PKIB: variants seen among roughly 807,000 people sequenced by gnomAD.
The protein encoded by PKIB is cAMP-dependent protein kinase inhibitor beta.
A neutral mutation model predicts 4.5 loss-of-function variants in PKIB; 2 were observed. The observed-to-expected ratio is 0.44, with a 90% CI of 0.18 to 1.39. The LOEUF is 1.39. Among genes scored for constraint, PKIB ranks in the 40% most tolerant of loss-of-function variants. The pLI is 0.27. For missense variants in PKIB, 94 were observed against 92.6 expected, an observed-to-expected ratio of 1.02 and a Z score of -0.06; for synonymous variants, 38 against 36.0, an observed-to-expected ratio of 1.06 and a Z score of -0.20.
intron 3 of PKIB, among the ~76,000 whole-genome samples, chr6:122,684,237 C>G (rs1778009832): frequency 6.6e-6 from 1 of 152,040 alleles, no homozygotes; most frequent in Non-Finnish European, 1.5e-5. Flanking sequence ...TTCAGTAAAC[C>G]AAAATGAGTA....
chr6:122,602,918 G>C (rs949130480), intron 3 of PKIB, among the ~76,000 whole-genome samples: 1 of 146,338 alleles, frequency 6.8e-6, no homozygotes, highest in Non-Finnish European at 1.5e-5. Flanking sequence ...ATCGCACCAC[G>C]GCACTCCAGC....
chr6:122,619,189 G>A (rs1261382533), intron 1 of PKIB, among the ~76,000 whole-genome samples: 3 of 152,062 alleles, frequency 2.0e-5, no homozygotes, highest in African/African-American at 7.2e-5. Flanking sequence ...GATTTAGGGT[G>A]CACTGCTTTG....
Position 122,621,415 on chromosome 6 carries a change from T to C in PKIB, c.-161+10880T>C, listed in dbSNP as rs529012195. Among the ~76,000 whole-genome samples, 274 of 152,204 alleles carry C rather than the reference T, an allele frequency of 1.8e-3. 2 individuals are homozygous for C. Among genetic ancestry groups the C allele is most frequent in the Admixed American group, 6.5e-3 (100 of 15,288 alleles). ...GCCCTTCAAGAGCACAGGATTAGTG[T>C]TGGATAGGTAAATAACTGCAAACAC... On this transcript the variant is annotated intron_variant, in intron 1 of 4. Transcript: ENST00000368452.
intron 1 of PKIB, among the ~76,000 whole-genome samples, chr6:122,620,081 A>C (rs1463938714): frequency 6.6e-6 from 1 of 151,976 alleles, no homozygotes. Context: ...CCCATATGCC[A>C]CCTGTACAAT....
intron 1 of PKIB, among the ~76,000 whole-genome samples, chr6:122,612,572 TCTTA>T (rs1027027738): frequency 6.6e-6 from 1 of 152,204 alleles, no homozygotes; most frequent in African/African-American, 2.4e-5. Flanking sequence ...TTATGGCTTC[TCTTA>T]CTTAGCATAA....
chr6:122,621,917 A>G (rs939962258), intron 1 of PKIB, among the ~76,000 whole-genome samples: 2 of 152,066 alleles, frequency 1.3e-5, no homozygotes, highest in African/African-American at 4.8e-5. Flanking sequence ...GCTGGACTCA[A>G]GTTCTGAGTG....
intron 2 of PKIB, among the ~76,000 whole-genome samples, chr6:122,572,665 C>T (rs79360397): frequency 1.8e-4 from 23 of 129,700 alleles, no homozygotes; most frequent in Middle Eastern, 4.1e-3. Context: ...AAAAAAAAAA[C>T]GATAAATGAA....
chr6:122,493,551 T>C (rs1775995558), intron 2 of PKIB: 1 of 152,268 alleles, frequency 6.6e-6, no homozygotes, highest in Non-Finnish European at 1.5e-5. Context: ...TATTTTATTA[T>C]GCATATCTGA....
chr6:122,490,563 A>G (rs534604254), intron 2 of PKIB, among the ~76,000 whole-genome samples: 1 of 151,944 alleles, frequency 6.6e-6, no homozygotes, highest in South Asian at 2.1e-4. Context: ...GTTCACACAG[A>G]GATCTGGTTG....
At position 122,575,748 on chromosome 6, in the gene PKIB, G is replaced by A. The variant is rs533355459; in HGVS notation, c.-247-10173G>A. Among the ~76,000 whole-genome samples the A allele has an allele frequency of 5.9e-5, 9 of 152,220 alleles. 1 individual carries two copies. The South Asian group carries it at 1.9e-3, about 32-fold the overall frequency. On this transcript the variant is annotated intron_variant, in intron 2 of 6. Transcript: ENST00000392491. ...TGCAAAGGCATAACAGTACTATAAT[G>A]GACTTTGTGGACTCAGAGGGAATAG... is the stretch of plus-strand genomic sequence containing the variant.
chr6:122,630,245 T>TTCAA (rs1273741979), intron 1 of PKIB, among the ~76,000 whole-genome samples: 9 of 152,292 alleles, frequency 5.9e-5, no homozygotes, highest in Admixed American at 2.6e-4. Context: ...CATAGTAGCA[T>TTCAA]TATTTATAAT....
At chr6:122,537,512 A>G (rs9401552) in intron 2 of PKIB, among the ~76,000 whole-genome samples, 1 of 152,050 alleles carries the variant, frequency 6.6e-6, no homozygotes, top group East Asian at 1.9e-4. Flanking sequence ...ACATGAACTC[A>G]TCATTTTTTA....
At chr6:122,484,746 A>G (rs757996707) in intron 2 of PKIB, among the ~76,000 whole-genome samples, 1 of 152,236 alleles carries the variant, frequency 6.6e-6, no homozygotes, top group Non-Finnish European at 1.5e-5. Context: ...CATCCCGTGG[A>G]TCATCATTTA....
chr6:122,540,587 T>A (rs1056186493), intron 2 of PKIB, among the ~76,000 whole-genome samples: 57 of 151,840 alleles, frequency 3.8e-4, no homozygotes, highest in African/African-American at 1.2e-3. Context: ...TGCTGAGGAG[T>A]GCTTTACTTC....
At chr6:122,479,454 G>C (rs1775542344) in intron 2 of PKIB, 2 of 152,096 alleles carry the variant, frequency 1.3e-5, no homozygotes, top group African/African-American at 4.8e-5. Context: ...TTTTAATTCT[G>C]TCAATTAGAA....
At chr6:122,496,809 A>C (rs1776087618) in intron 2 of PKIB, among the ~76,000 whole-genome samples, 1 of 152,208 alleles carries the variant, frequency 6.6e-6, no homozygotes, top group Non-Finnish European at 1.5e-5. Flanking sequence ...ATTTAAGGGA[A>C]TAATTCAAGA....
intron 3 of PKIB, among the ~76,000 whole-genome samples, chr6:122,603,642 G>A (rs757609622): frequency 6.6e-5 from 10 of 152,026 alleles, no homozygotes; most frequent in Admixed American, 2.0e-4. Context: ...TACCACGCCC[G>A]GCTAATTTAT....
chr6:122,575,065 A>G (rs1272506387), intron 2 of PKIB, among the ~76,000 whole-genome samples: 1 of 152,156 alleles, frequency 6.6e-6, no homozygotes, highest in Non-Finnish European at 1.5e-5. Flanking sequence ...AATAATAATA[A>G]AACCTGTCAA....
At chr6:122,588,035 C>G (rs1264965641) in intron 3 of PKIB, among the ~76,000 whole-genome samples, 1 of 152,032 alleles carries the variant, frequency 6.6e-6, no homozygotes, top group Non-Finnish European at 1.5e-5. Context: ...TAATTAGATC[C>G]CATTTGTCAG....
Sources: allele counts gnomAD v4.1 joint callset (sites outside exome capture counted in the v4.1 genomes callset), GRCh38; gene constraint gnomAD v4.1.1; transcripts MANE v1.5; gene names NCBI Gene and HGNC (gene_info 2026-07-23, HGNC 2026-07-21).